Variants in IGF1 observed in about 807,000 individuals in gnomAD.
IGF1 encodes insulin like growth factor 1.
A neutral mutation model predicts 13.8 loss-of-function variants in IGF1; 4 were observed. The ratio of observed to expected loss-of-function variants is 0.29; its 90% CI spans 0.14 to 0.66. The LOEUF (loss-of-function observed/expected upper bound fraction) is 0.66, where lower values mean the gene tolerates loss of function less well. IGF1 is among the 30% of genes least tolerant of loss of function. The pLI is 0.78. For missense variants in IGF1, 124 were observed against 188.5 expected (o/e 0.66, Z 2.00); for synonymous variants, 76 against 72.6 (o/e 1.05, Z -0.23).
At chr12:102,477,408 G>A (rs1213023874) in intron 1 of IGF1, among the ~76,000 whole-genome samples, 2 of 152,096 alleles carry the variant, frequency 1.3e-5, no homozygotes, top group Admixed American at 6.6e-5. Context: ...TAAAATAGAA[G>A]AGGAGGTAAA....
intron 1 of IGF1, chr12:102,478,593 C>T (rs1881216911): frequency 6.4e-7 from 1 of 1,560,216 alleles, no homozygotes; most frequent in South Asian, 1.2e-5. Flanking sequence ...ACATGTGCTG[C>T]TTTGTGGGTG....
chr12:102,415,267 T>G (rs541657807), intron 3 of IGF1, among the ~76,000 whole-genome samples: 1 of 150,586 alleles, frequency 6.6e-6, no homozygotes, highest in Non-Finnish European at 1.5e-5. Flanking sequence ...CATCCATCCA[T>G]CCATCCATCC....
At position 102,396,998 on chromosome 12, in the gene IGF1, T is replaced by A. The variant is rs766957636; in HGVS notation, c.*5509A>T. The A allele has an allele frequency of 6.3e-5, 25 of 395,348 alleles. No individual in the cohort carries two copies. The highest frequency in any genetic ancestry group is 9.8e-5 in the Non-Finnish European group (22 of 224,350). The allele number at this position is 395,348 out of a possible 1,614,324, so 24.5% of individuals were successfully genotyped here. On this transcript the variant is annotated 3_prime_UTR_variant, in exon 4 of 4. Coordinates refer to ENST00000337514, the MANE Select transcript of IGF1 (RefSeq NM_000618.5). ...CGGGCAAATCACAAGGTCAGGAGTT[T>A]GAGACCAACCTGGCCAACATGGTAA...
At position 102,456,707 on chromosome 12, in the gene IGF1, C is replaced by T. The variant is rs776981611; in HGVS notation, c.220+18936G>A. ...CCTCTTATCCCTACTCATGGGATGGCGGAATGTGAAAAGTACTGACCAATA... is the reference window on the plus strand; with the variant it reads ...CCTCTTATCCCTACTCATGGGATGGTGGAATGTGAAAAGTACTGACCAATA... On this transcript the variant is annotated intron_variant, in intron 2 of 3. Coordinates refer to ENST00000337514, the MANE Select transcript of IGF1 (RefSeq NM_000618.5). 2.6e-5 allele frequency among the ~76,000 whole-genome samples: 4 copies of T among 152,126 alleles called. No individual in the cohort carries two copies. In the East Asian group the frequency reaches 5.8e-4, roughly 22 times the overall value.
intron 2 of IGF1, among the ~76,000 whole-genome samples, chr12:102,458,732 A>AAAAAAAAAAC (rs1879644453): frequency 1.4e-5 from 2 of 143,934 alleles, no homozygotes; most frequent in East Asian, 3.9e-4. Flanking sequence ...ACACTGACCA[A>AAAAAAAAAAC]AAAAAAAAAA....
Position 102,401,361 on chromosome 12 carries a change from G to C in IGF1, c.*1146C>G, listed in dbSNP as rs1873665782. On this transcript the variant is annotated 3_prime_UTR_variant, in exon 4 of 4. Transcript: ENST00000337514. ...GGACTGCTAAAATTCCTAGCCTTCT[G>C]CTTTTTCCATTCCACAGTTTCCTCT... The C allele has an allele frequency of 6.6e-6, 1 of 152,484 alleles. No homozygotes were observed. The highest frequency in any genetic ancestry group is 1.5e-5 in the Non-Finnish European group (1 of 68,068). The allele number at this position is 152,484 out of a possible 1,614,324, so 9.4% of individuals were successfully genotyped here.
intron 2 of IGF1, among the ~76,000 whole-genome samples, chr12:102,457,799 T>C (rs1377329935): frequency 6.6e-6 from 1 of 152,224 alleles, no homozygotes; most frequent in Non-Finnish European, 1.5e-5. Context: ...TATTCTGACA[T>C]ATGGGTAAGA....
intron 3 of IGF1, among the ~76,000 whole-genome samples, chr12:102,413,842 T>A (rs897076578): frequency 5.9e-5 from 9 of 152,200 alleles, no homozygotes; most frequent in Non-Finnish European, 1.2e-4. Flanking sequence ...GGCTCTCACT[T>A]GGGAGAGCCA....
chr12:102,451,682 GT>G (rs1878945485), intron 2 of IGF1, among the ~76,000 whole-genome samples: 1 of 152,202 alleles, frequency 6.6e-6, no homozygotes, highest in Non-Finnish European at 1.5e-5. Flanking sequence ...CCTTGCTATT[GT>G]TTGGCACTGG....
intron 2 of IGF1, among the ~76,000 whole-genome samples, chr12:102,468,715 G>A (rs1880487388): frequency 6.6e-6 from 1 of 152,236 alleles, no homozygotes; most frequent in African/African-American, 2.4e-5. Context: ...TCATGGAGAG[G>A]TGTACGATGG....
intron 2 of IGF1, among the ~76,000 whole-genome samples, chr12:102,472,656 G>A (rs1246919802): frequency 1.8e-4 from 28 of 152,120 alleles, no homozygotes; most frequent in Admixed American, 1.8e-3. Flanking sequence ...ATAGAGGTGG[G>A]GAAGAATGCT....
intron 2 of IGF1, among the ~76,000 whole-genome samples, chr12:102,423,775 C>T (rs938338247): frequency 6.6e-6 from 1 of 152,170 alleles, no homozygotes; most frequent in Non-Finnish European, 1.5e-5. Context: ...CACCAATTAG[C>T]TGAGTCTCAC....
intron 2 of IGF1, among the ~76,000 whole-genome samples, chr12:102,435,452 G>A (rs1877145697): frequency 6.6e-6 from 1 of 152,238 alleles, no homozygotes; most frequent in Non-Finnish European, 1.5e-5. Flanking sequence ...GGTCCATAAT[G>A]TGTATTGGCA....
At chr12:102,459,744 C>T (rs117307544) in intron 2 of IGF1, among the ~76,000 whole-genome samples, 325 of 152,260 alleles carry the variant, frequency 2.1e-3, no homozygotes, top group Non-Finnish European at 3.6e-3. Flanking sequence ...TGCCTTCTTC[C>T]TTCACCAGAA....
intron 2 of IGF1, among the ~76,000 whole-genome samples, chr12:102,448,545 G>T (rs377669952): frequency 9.2e-6 from 1 of 108,638 alleles, no homozygotes; most frequent in East Asian, 3.4e-4. Context: ...GTGGTGGGGT[G>T]GGGGGAGGGG....
At chr12:102,462,106 CTCTATG>C (rs1243005799) in intron 2 of IGF1, among the ~76,000 whole-genome samples, 1 of 152,270 alleles carries the variant, frequency 6.6e-6, no homozygotes, top group Admixed American at 6.5e-5. Flanking sequence ...AGTAGCAAGA[CTCTATG>C]TCTATGTGTA....
At chr12:102,434,911 T>G (rs1877089315) in intron 2 of IGF1, among the ~76,000 whole-genome samples, 1 of 152,170 alleles carries the variant, frequency 6.6e-6, no homozygotes, top group Admixed American at 6.5e-5. Context: ...TGATGAGCAT[T>G]TTTTCATGTA....
intron 2 of IGF1, among the ~76,000 whole-genome samples, chr12:102,470,442 T>C (rs529561491): frequency 6.6e-5 from 10 of 152,236 alleles, no homozygotes; most frequent in Non-Finnish European, 7.3e-5. Context: ...AGTGGTCCTA[T>C]GGTTGCAGAA....
At chr12:102,436,999 G>A (rs553130615) in intron 2 of IGF1, among the ~76,000 whole-genome samples, 3 of 152,330 alleles carry the variant, frequency 2.0e-5, no homozygotes, top group East Asian at 1.9e-4. Context: ...ATTCCTCCAG[G>A]CCCCTGTTTC....
Sources: gnomAD v4.1 joint callset for allele counts (sites outside exome capture counted in the v4.1 genomes callset) on GRCh38, gnomAD v4.1.1 for gene constraint, MANE v1.5 for transcripts, NCBI Gene and HGNC (gene_info 2026-07-23, HGNC 2026-07-21) for gene names.